CERT1: variants seen among roughly 807,000 people sequenced by gnomAD.
The protein encoded by CERT1 is ceramide transfer protein.
In CERT1, 31 loss-of-function variants were observed where a neutral mutation model predicts 87.9. The ratio of observed to expected loss-of-function variants is 0.35; its 90% confidence interval spans 0.27 to 0.48. CERT1 has a LOEUF of 0.48. CERT1 is among the 20% of genes least tolerant of loss of function. The pLI, the probability that CERT1 is intolerant of heterozygous loss-of-function variation, is 0.99. For missense variants in CERT1, 487 were observed against 758.0 expected (o/e 0.64, Z 4.20); for synonymous variants, 289 against 250.9 (o/e 1.15, Z -1.44).
intron 15 of CERT1, 72 bp downstream of exon 15, chr5:75,381,877 A>G: frequency 7.3e-7 from 1 of 1,375,180 alleles, no homozygotes; most frequent in South Asian, 1.3e-5. Flanking sequence ...GGCTGTGTTT[A>G]TCATTTTTGT....
At chr5:75,403,121 T>C in intron 8 of CERT1, 63 bp from the exon 9 acceptor site, 2 of 1,086,866 alleles carry the variant, frequency 1.8e-6, no homozygotes, top group Non-Finnish European at 2.8e-6. Context: ...CTCTGATAAC[T>C]CTGGTATTAA....
At chr5:75,495,069 G>A (rs902919957) in intron 2 of CERT1, among the ~76,000 whole-genome samples, 1 of 152,160 alleles carries the variant, frequency 6.6e-6, no homozygotes, top group Non-Finnish European at 1.5e-5. Context: ...ATCTAGATAA[G>A]ATTCAACTGG....
intron 13 of CERT1, among the ~76,000 whole-genome samples, chr5:75,385,630 CCT>C: frequency 6.6e-6 from 1 of 152,260 alleles, no homozygotes; most frequent in Middle Eastern, 3.4e-3. Context: ...AGTCACTTTG[CCT>C]ATCTGAATTT....
chr5:75,374,374 C>G, downstream of CERT1: 1 of 532,774 alleles, frequency 1.9e-6, no homozygotes, highest in South Asian at 3.0e-5. Context: ...TGAACTTATT[C>G]CATCAGCAAG....
At position 75,425,425 on chromosome 5, in the gene CERT1, C is replaced by A. The variant is rs768926070; in HGVS notation, c.531G>T (p.Thr177=). The change falls in exon 5 of 17, where the codon ACG becomes ACT. Residue 177 remains threonine, a synonymous_variant. Transcript: ENST00000643780. ...FRDILCRQVD[T]LQKYFDACAD... Reference sequence around the variant, plus strand: ...CACAGGCATCAAAGTACTTCTGTAGCGTGTCAACTTGTCTACATAAGATGT... The same window carrying A: ...CACAGGCATCAAAGTACTTCTGTAGAGTGTCAACTTGTCTACATAAGATGT... The A allele has an allele frequency of 6.2e-7, 1 of 1,613,746 alleles. No individual in the cohort carries two copies. Among genetic ancestry groups the A allele is most frequent in the East Asian group, 2.2e-5 (1 of 44,864 alleles).
chr5:75,379,344 T>C lies in CERT1; in HGVS notation c.*2A>G, dbSNP rs201840589. 2 of 1,611,804 alleles carry C rather than the reference T, an allele frequency of 1.2e-6. No homozygotes were observed. The highest frequency in any genetic ancestry group is 1.7e-6 in the Non-Finnish European group (2 of 1,178,152). On this transcript the variant is annotated 3_prime_UTR_variant, in exon 17 of 17. Coordinates refer to ENST00000643780, the MANE Select transcript of CERT1 (RefSeq NM_001379029.1). ...AAACATATCTTCTAGTACCTGTTAA[T>C]ACTAGAACAAAATAGGCTTTCCTGC... is the stretch of plus-strand genomic sequence containing the variant.
At chr5:75,498,482 G>A (rs1316665239) in intron 2 of CERT1, among the ~76,000 whole-genome samples, 1 of 152,212 alleles carries the variant, frequency 6.6e-6, no homozygotes. Context: ...CTGGCGCCCT[G>A]TGTCTCAGCT....
chr5:75,374,198 G>GAA (rs749454395), downstream of CERT1: 550 of 303,228 alleles, frequency 1.8e-3, no homozygotes, highest in South Asian at 2.2e-3. Flanking sequence ...GTCACTGAAG[G>GAA]AAAAAAAAAA....
At chr5:75,461,486 T>G (rs1037221113) in intron 2 of CERT1, among the ~76,000 whole-genome samples, 7 of 152,100 alleles carry the variant, frequency 4.6e-5, no homozygotes, top group Non-Finnish European at 1.0e-4. Context: ...AAGAACCAAA[T>G]AAAGTAAAGC....
At chr5:75,386,104 T>G in intron 12 of CERT1, 70 bp from the exon 13 acceptor site, 10 of 1,193,588 alleles carry the variant, frequency 8.4e-6, no homozygotes, top group Non-Finnish European at 1.1e-5. Context: ...GAAAGCATGC[T>G]TTTAATACAG....
At chr5:75,502,454 G>T (rs1274613640) in intron 2 of CERT1, among the ~76,000 whole-genome samples, 1 of 152,050 alleles carries the variant, frequency 6.6e-6, no homozygotes, top group Non-Finnish European at 1.5e-5. Context: ...AATTAGGCAT[G>T]ATTTAAATGT....
intron 17 of CERT1, chr5:75,370,994 A>C (rs1264480304): frequency 1.3e-5 from 2 of 151,934 alleles, no homozygotes; most frequent in Non-Finnish European, 2.9e-5. Context: ...GCAACTCAGT[A>C]GTTTTCTTGA....
At chr5:75,397,742 C>T (rs951954136) in intron 11 of CERT1, among the ~76,000 whole-genome samples, 16 of 152,092 alleles carry the variant, frequency 1.1e-4, no homozygotes, top group African/African-American at 3.6e-4. Context: ...TACGCAGGGC[C>T]GGGCATGGTG....
downstream of CERT1, chr5:75,375,582 A>AAAATAAATAAATAAAT (rs35679444): frequency 9.0e-5 from 12 of 133,866 alleles, no homozygotes; most frequent in South Asian, 2.3e-4. Flanking sequence ...ATGCTGTCTC[A>AAAATAAATAAATAAAT]AAATAAATAA....
At chr5:75,477,740 A>G (rs1766034069) in intron 2 of CERT1, among the ~76,000 whole-genome samples, 1 of 151,800 alleles carries the variant, frequency 6.6e-6, no homozygotes, top group Non-Finnish European at 1.5e-5. Context: ...CTATTTTAAT[A>G]AGCAAGTTTG....
At chr5:75,495,495 C>T (rs1051522418) in intron 2 of CERT1, among the ~76,000 whole-genome samples, 2 of 151,818 alleles carry the variant, frequency 1.3e-5, no homozygotes, top group African/African-American at 4.8e-5. Context: ...GAGGTAGAGG[C>T]TTCAGTGTGC....
intron 2 of CERT1, among the ~76,000 whole-genome samples, chr5:75,459,389 G>C (rs1233207959): frequency 6.6e-6 from 1 of 152,168 alleles, no homozygotes; most frequent in Admixed American, 6.5e-5. Flanking sequence ...TCTTACAAAT[G>C]AGTTGTCACA....
chr5:75,432,984 CT>C (rs1464639941), intron 3 of CERT1, among the ~76,000 whole-genome samples: 1 of 152,124 alleles, frequency 6.6e-6, no homozygotes, highest in Non-Finnish European at 1.5e-5. Context: ...TTTTTGTCAA[CT>C]TTTTCGAAGA....
At chr5:75,374,897 T>A (rs1761234211), downstream of CERT1, 3 of 381,552 alleles carry the variant, frequency 7.9e-6, no homozygotes, top group Admixed American at 9.5e-5. Flanking sequence ...GCTGAGTGTA[T>A]CTGTGCCACC....
Sources: allele counts gnomAD v4.1 joint callset (sites outside exome capture counted in the v4.1 genomes callset), GRCh38; gene constraint gnomAD v4.1.1; transcripts MANE v1.5; gene names NCBI Gene and HGNC (gene_info 2026-07-23, HGNC 2026-07-21).